Variants in EBF1 observed in about 807,000 individuals in gnomAD.
The protein encoded by EBF1 is EBF transcription factor 1.
Under a neutral mutation model 68.4 loss-of-function variants are expected in EBF1, and 10 were observed. The observed-to-expected ratio is 0.15, with a 90% CI of 0.09 to 0.25. The LOEUF (loss-of-function observed/expected upper bound fraction) is 0.25. EBF1 is among the 10% of genes least tolerant of loss of function. The probability of loss-of-function intolerance (pLI) is 1.00; values close to 1 mark genes in which losing one functional copy is unlikely to be tolerated. For missense variants in EBF1, 509 were observed against 794.4 expected (o/e 0.64, Z 4.32); for synonymous variants, 298 against 299.8 (o/e 0.99, Z 0.06).
intron 8 of EBF1, among the ~76,000 whole-genome samples, chr5:158,822,253 G>A (rs920983710): frequency 2.6e-5 from 3 of 114,476 alleles, no homozygotes; most frequent in African/African-American, 1.0e-4. Flanking sequence ...CTCATTCTTG[G>A]ATGGACGGAT....
intron 6 of EBF1, among the ~76,000 whole-genome samples, chr5:158,950,997 C>T (rs981640818): frequency 2.6e-5 from 4 of 152,158 alleles, no homozygotes; most frequent in Non-Finnish European, 4.4e-5. Context: ...ATATAAATCT[C>T]CCAATTTTTC....
At chr5:159,006,646 T>TGAA in intron 6 of EBF1, among the ~76,000 whole-genome samples, 1 of 12,088 alleles carries the variant, frequency 8.3e-5, no homozygotes, top group African/African-American at 3.7e-4. Context: ...CATAGCCATG[T>TGAA]TAAAAAAAAA....
intron 6 of EBF1, among the ~76,000 whole-genome samples, chr5:158,955,046 C>T (rs896770723): frequency 3.3e-5 from 5 of 152,016 alleles, no homozygotes; most frequent in African/African-American, 4.8e-5. Context: ...GTAATTGGGC[C>T]GGGCGCAGTG....
Position 158,708,080 on chromosome 5 carries a change from A to G in EBF1, c.1643T>C (p.Met548Thr). 6.3e-7 allele frequency: 1 copy of G among 1,575,284 alleles called. No individual in the cohort carries two copies. The highest frequency in any genetic ancestry group is 8.6e-7 in the Non-Finnish European group (1 of 1,159,532). ...SGIFSFSPAN[M>T]VSAVKQKSAF... ...ACTCTTCTGTTTCACGGCTGAGACC[A>G]TGTTGGCTGGTGAGAAGGAGAAGAT... Residue 548 changes from methionine to threonine, a missense_variant, in exon 15 of 16, where the codon ATG (methionine) becomes ACG (threonine). Coordinates refer to ENST00000313708, the MANE Select transcript of EBF1 (RefSeq NM_024007.5).
chr5:158,964,999 C>T (rs373073600), intron 6 of EBF1, among the ~76,000 whole-genome samples: 50 of 152,284 alleles, frequency 3.3e-4, no homozygotes, highest in African/African-American at 1.2e-3. Context: ...AATAATCCAA[C>T]GTGTTGAGAT....
chr5:158,913,912 G>A (rs1401496674), intron 6 of EBF1, among the ~76,000 whole-genome samples: 5 of 152,228 alleles, frequency 3.3e-5, no homozygotes, highest in African/African-American at 1.2e-4. Context: ...TTGAAACCAG[G>A]TTAAATGAGC....
intron 6 of EBF1, among the ~76,000 whole-genome samples, chr5:158,936,651 T>G (rs183748075): frequency 3.3e-5 from 5 of 152,320 alleles, no homozygotes; most frequent in Admixed American, 3.3e-4. Context: ...TATTTCATAG[T>G]CATGCAGTTT....
intron 6 of EBF1, among the ~76,000 whole-genome samples, chr5:158,971,763 G>C (rs912998607): frequency 6.6e-6 from 1 of 152,052 alleles, no homozygotes; most frequent in African/African-American, 2.4e-5. Context: ...GAACCAACAC[G>C]CCCATCCAGC....
At chr5:158,930,899 C>T (rs1810741513) in intron 6 of EBF1, among the ~76,000 whole-genome samples, 1 of 150,864 alleles carries the variant, frequency 6.6e-6, no homozygotes, top group Admixed American at 6.6e-5. Flanking sequence ...AAAAAAAAAA[C>T]ACATTTTCAT....
chr5:158,957,105 T>C (rs1817292567), intron 6 of EBF1, among the ~76,000 whole-genome samples: 1 of 152,208 alleles, frequency 6.6e-6, no homozygotes, highest in African/African-American at 2.4e-5. Context: ...CCAAGCTCTC[T>C]GCTGAGTGCT....
chr5:159,091,094 T>C (rs986395077), intron 4 of EBF1, among the ~76,000 whole-genome samples: 2 of 152,202 alleles, frequency 1.3e-5, no homozygotes, highest in Non-Finnish European at 2.9e-5. Context: ...GAACAGACTA[T>C]CTGTACAGTC....
At chr5:159,061,159 C>T (rs948920345) in intron 6 of EBF1, among the ~76,000 whole-genome samples, 1 of 151,946 alleles carries the variant, frequency 6.6e-6, no homozygotes, top group South Asian at 2.1e-4. Flanking sequence ...TAAATCACTC[C>T]TCGCTCGACA....
chr5:159,002,473 G>A (rs779155361), intron 6 of EBF1, among the ~76,000 whole-genome samples: 4 of 152,146 alleles, frequency 2.6e-5, no homozygotes, highest in African/African-American at 4.8e-5. Context: ...AATGTGAGAC[G>A]ATTGTCAGCT....
At chr5:158,786,042 T>C (rs1044406880) in intron 9 of EBF1, among the ~76,000 whole-genome samples, 1 of 152,180 alleles carries the variant, frequency 6.6e-6, no homozygotes, top group Non-Finnish European at 1.5e-5. Context: ...CGTGATGCCA[T>C]TAGCCACCAC....
intron 6 of EBF1, among the ~76,000 whole-genome samples, chr5:158,946,779 C>A (rs924581372): frequency 2.3e-4 from 35 of 152,328 alleles, no homozygotes; most frequent in Non-Finnish European, 3.4e-4. Context: ...GCTGAAGCTG[C>A]ACCCACAGCT....
At chr5:158,747,262 A>G (rs185391574) in intron 10 of EBF1, among the ~76,000 whole-genome samples, 11 of 152,336 alleles carry the variant, frequency 7.2e-5, no homozygotes, top group African/African-American at 2.2e-4. Context: ...CTTAAAATAA[A>G]TAGGATCATT....
chr5:158,897,231 G>A (rs1222621702), intron 6 of EBF1, among the ~76,000 whole-genome samples: 1 of 152,182 alleles, frequency 6.6e-6, no homozygotes, highest in Non-Finnish European at 1.5e-5. Context: ...GGAATACTAT[G>A]CAGCTATAAA....
At chr5:158,854,164 G>A (rs989663322) in intron 6 of EBF1, among the ~76,000 whole-genome samples, 5 of 152,132 alleles carry the variant, frequency 3.3e-5, no homozygotes, top group South Asian at 2.1e-4. Flanking sequence ...TTGCATCTCC[G>A]GCCCTAAACT....
At chr5:159,058,561 T>C (rs1024847540) in intron 6 of EBF1, among the ~76,000 whole-genome samples, 1 of 152,100 alleles carries the variant, frequency 6.6e-6, no homozygotes, top group African/African-American at 2.4e-5. Flanking sequence ...CAGGAATCAT[T>C]TATAACTGAA....
Sources: gnomAD v4.1 joint callset for allele counts (sites outside exome capture counted in the v4.1 genomes callset) on GRCh38, gnomAD v4.1.1 for gene constraint, MANE v1.5 for transcripts, NCBI Gene and HGNC (gene_info 2026-07-23, HGNC 2026-07-21) for gene names.